SENP2: variants seen among roughly 807,000 people sequenced by gnomAD.
SENP2 encodes the protein SUMO specific peptidase 2, also known as sentrin-specific protease 2.
Under a neutral mutation model 86.3 loss-of-function variants are expected in SENP2, and 16 were observed. That is an observed-to-expected ratio of 0.19 (90% confidence interval 0.13 to 0.28). SENP2 has a LOEUF of 0.28. SENP2 is among the 10% of genes least tolerant of loss of function. SENP2 has a pLI of 1.00. For missense variants in SENP2, 552 were observed against 703.0 expected (o/e 0.79, Z 2.43); for synonymous variants, 222 against 238.7 (o/e 0.93, Z 0.64).
At chr3:185,621,735 AT>A (rs1218344129) in intron 13 of SENP2, 90 bp from the exon 14 acceptor site, 1 of 753,550 alleles carries the variant, frequency 1.3e-6, no homozygotes, top group Non-Finnish European at 2.2e-6. Context: ...TGGTACATGT[AT>A]TTTTTAAAAG....
chr3:185,598,301 C>A, intron 2 of SENP2, 111 bp from the exon 3 acceptor site: 1 of 1,186,354 alleles, frequency 8.4e-7, no homozygotes, highest in Non-Finnish European at 1.2e-6. Context: ...CCACCACACC[C>A]AGCAAATAGA....
In SENP2 at chr3:185,600,669, A is replaced by G. The variant is rs907620035; in HGVS notation, c.359-96A>G. On this transcript the variant is annotated intron_variant, in intron 4 of 16. Transcript: ENST00000296257. Reference sequence around the variant, plus strand: ...AAAAACAAGATGTTGATTTAGCTCTATGATGTAGGTTGCTCACAGATTTTT... The same window carrying G: ...AAAAACAAGATGTTGATTTAGCTCTGTGATGTAGGTTGCTCACAGATTTTT... 5.4e-6 allele frequency: 4 copies of G among 741,674 alleles called. No individual in the cohort carries two copies. The Admixed American group carries it at 6.9e-5, about 13-fold the overall frequency. 45.9% of individuals were successfully genotyped at this position (741,674 alleles called of 1,614,324 possible).
chr3:185,612,973 A>G (rs1429431518), intron 9 of SENP2, among the ~76,000 whole-genome samples: 1 of 152,252 alleles, frequency 6.6e-6, no homozygotes, highest in Non-Finnish European at 1.5e-5. Flanking sequence ...GCAGCTCTGC[A>G]TGCTTTAGGA....
At chr3:185,625,172 C>A (rs998391297) in intron 15 of SENP2, among the ~76,000 whole-genome samples, 1 of 150,412 alleles carries the variant, frequency 6.6e-6, no homozygotes, top group African/African-American at 2.4e-5. Flanking sequence ...AGTGCAGTGG[C>A]GCAATCTTGG....
chr3:185,597,857 T>TTAG (rs1340194087), intron 2 of SENP2, among the ~76,000 whole-genome samples: 4 of 151,984 alleles, frequency 2.6e-5, no homozygotes, highest in African/African-American at 9.7e-5. Flanking sequence ...TTTCTCCATG[T>TTAG]TAGTCAGGCT....
chr3:185,616,692 G>A (rs1046482430), intron 11 of SENP2, among the ~76,000 whole-genome samples: 3 of 150,784 alleles, frequency 2.0e-5, no homozygotes, highest in Admixed American at 6.6e-5. Context: ...GGAGAATGGC[G>A]TGACCCCGGG....
chr3:185,616,799 G>A (rs1306894182), intron 11 of SENP2, among the ~76,000 whole-genome samples: 1 of 147,450 alleles, frequency 6.8e-6, no homozygotes, highest in African/African-American at 2.5e-5. Flanking sequence ...AACGTTTAAA[G>A]TGGAAATCAG....
chr3:185,627,934 T>C (rs1417780147), intron 16 of SENP2, among the ~76,000 whole-genome samples: 2 of 152,216 alleles, frequency 1.3e-5, no homozygotes, highest in African/African-American at 2.4e-5. Flanking sequence ...CAAACTCTAT[T>C]ACGTGAAGTA....
intron 1 of SENP2, among the ~76,000 whole-genome samples, chr3:185,588,454 A>G (rs1009540816): frequency 2.7e-4 from 41 of 151,254 alleles, no homozygotes; most frequent in Non-Finnish European, 3.1e-4. Context: ...GCCTCCCAAA[A>G]TGCTGGGACT....
chr3:185,615,635 C>A (rs569551977), intron 11 of SENP2, among the ~76,000 whole-genome samples: 1 of 151,992 alleles, frequency 6.6e-6, no homozygotes, highest in Non-Finnish European at 1.5e-5. Context: ...CAAGCCACTG[C>A]CCCCGGCCTA....
chr3:185,619,709 T>A (rs1245585382), intron 13 of SENP2, among the ~76,000 whole-genome samples: 3 of 151,486 alleles, frequency 2.0e-5, no homozygotes, highest in African/African-American at 7.3e-5. Flanking sequence ...CTTTAAAAAA[T>A]TTTATGTTTA....
In SENP2 at chr3:185,621,858, T is replaced by C. The variant is rs1376919416; in HGVS notation, c.1479T>C (p.Tyr493=). Residue 493 remains tyrosine (Y), a synonymous_variant, in exon 14 of 17, where the codon TAT becomes TAC. Coordinates refer to ENST00000296257, the MANE Select transcript of SENP2 (RefSeq NM_021627.3). ...VIDLRKKCLK[Y]LDSMGQKGHR... ...ACCTAAGAAAAAAGTGTCTTAAATA[T>C]CTGGATTCTATGGGACAAAAGGGCC... 6.2e-6 allele frequency: 10 copies of C among 1,612,012 alleles called. No homozygotes were observed. The South Asian group carries it at 7.7e-5, about 12-fold the overall frequency.
At chr3:185,604,126 A>G (rs1164589030) in intron 5 of SENP2, among the ~76,000 whole-genome samples, 1 of 152,150 alleles carries the variant, frequency 6.6e-6, no homozygotes, top group East Asian at 1.9e-4. Flanking sequence ...GTCTCAAAAA[A>G]ATAAATAAAT....
Position 185,629,884 on chromosome 3 carries a change from TCA to T in SENP2, c.*43_*44del. 6.3e-7 allele frequency: 1 copy of T among 1,593,626 alleles called. No homozygotes were observed. The highest frequency in any genetic ancestry group is 8.6e-7 in the Non-Finnish European group (1 of 1,161,610). On this transcript the variant is annotated 3_prime_UTR_variant, in exon 17 of 17. Transcript: ENST00000296257. ...GTCCCTCTAGCTGCTGGTGGTTCTT[TCA>T]CAGACATTTCCATATACCTCATGCA...
At chr3:185,588,493 T>TA (rs1305087421) in intron 1 of SENP2, among the ~76,000 whole-genome samples, 3 of 152,252 alleles carry the variant, frequency 2.0e-5, no homozygotes, top group Admixed American at 6.5e-5. Context: ...GCCCGGCCGT[T>TA]AATTTCATTT....
At chr3:185,627,685 A>G (rs1560203341) in intron 16 of SENP2, among the ~76,000 whole-genome samples, 1 of 152,160 alleles carries the variant, frequency 6.6e-6, no homozygotes, top group African/African-American at 2.4e-5. Flanking sequence ...TGCTGGGATT[A>G]CAGGCGTGAG....
chr3:185,622,504 G>T (rs1411715875), intron 14 of SENP2, among the ~76,000 whole-genome samples: 3 of 152,132 alleles, frequency 2.0e-5, no homozygotes, highest in Non-Finnish European at 4.4e-5. Context: ...AATGAATCTT[G>T]TGAAGAAAAG....
At chr3:185,616,796 A>G (rs1028932208) in intron 11 of SENP2, among the ~76,000 whole-genome samples, 5 of 148,702 alleles carry the variant, frequency 3.4e-5, no homozygotes, top group African/African-American at 1.2e-4. Context: ...AAAAACGTTT[A>G]AAGTGGAAAT....
chr3:185,600,702 C>A, intron 4 of SENP2, 63 bp from the exon 5 acceptor site: 1 of 1,090,568 alleles, frequency 9.2e-7, no homozygotes, highest in South Asian at 1.3e-5. Context: ...TTTTTTCTTT[C>A]CTTATGCAGA....
Sources: gnomAD v4.1 joint callset for allele counts (sites outside exome capture counted in the v4.1 genomes callset) on GRCh38, gnomAD v4.1.1 for gene constraint, MANE v1.5 for transcripts, NCBI Gene and HGNC (gene_info 2026-07-23, HGNC 2026-07-21) for gene names.